Variants in SVEP1 observed in about 807,000 individuals in gnomAD.
SVEP1 encodes the protein sushi, von Willebrand factor type A, EGF and pentraxin domain containing 1.
A neutral mutation model predicts 367.3 loss-of-function variants in SVEP1; 164 were observed. That is an observed-to-expected ratio of 0.45 (90% CI 0.39 to 0.51). SVEP1 has a LOEUF of 0.51. Among genes scored for constraint, SVEP1 ranks in the 20% least tolerant of loss-of-function variants. The pLI is 0.00. For missense variants in SVEP1, 4,117 were observed against 4,425.3 expected, an observed-to-expected ratio of 0.93 and a Z score of 1.98; for synonymous variants, 1,666 against 1,611.6, an observed-to-expected ratio of 1.03 and a Z score of -0.81.
At chr9:110,385,810 A>G in intron 43 of SVEP1, 88 bp downstream of exon 43, 2 of 1,414,476 alleles carry the variant, frequency 1.4e-6, no homozygotes, top group South Asian at 2.9e-5. Context: ...AGTATCTACA[A>G]CTAAGTGACT....
intron 17 of SVEP1, among the ~76,000 whole-genome samples, 195 bp downstream of exon 17, chr9:110,468,745 C>T (rs1389611293): frequency 6.6e-6 from 1 of 152,220 alleles, no homozygotes; most frequent in East Asian, 1.9e-4. Context: ...TTCCCTGATT[C>T]ATTTCTGGAG....
At chr9:110,535,462 C>G (rs558073838) in intron 3 of SVEP1, among the ~76,000 whole-genome samples, 1 of 152,040 alleles carries the variant, frequency 6.6e-6, no homozygotes, top group African/African-American at 2.4e-5. Context: ...ATGCGTCCAC[C>G]TTTTTTCTTT....
At chr9:110,414,481 C>CTATTAT (rs1828088409) in intron 36 of SVEP1, among the ~76,000 whole-genome samples, 1 of 151,962 alleles carries the variant, frequency 6.6e-6, no homozygotes, top group Non-Finnish European at 1.5e-5. Context: ...TTTAGATAGG[C>CTATTAT]TCAGTTCTTT....
At chr9:110,404,969 T>G (rs1034430774) in intron 38 of SVEP1, among the ~76,000 whole-genome samples, 2 of 152,246 alleles carry the variant, frequency 1.3e-5, no homozygotes, top group African/African-American at 4.8e-5. Flanking sequence ...GAGGCTGCAG[T>G]GAGCCAAGAA....
rs1053825790 is a variant in SVEP1 at position 110,513,028 on chromosome 9, C to T, written c.1201G>A (p.Ala401Thr). 2 of 1,614,008 alleles carry T rather than the reference C, an allele frequency of 1.2e-6. No homozygotes were observed. Among genetic ancestry groups the T allele is most frequent in the Non-Finnish European group, 1.7e-6 (2 of 1,179,892 alleles). Residue 401 changes from alanine to threonine, a missense_variant, in exon 5 of 48, where the codon GCC becomes ACC. Physicochemically the swap from Ala to Thr is moderately conservative, Grantham distance 58. Around this residue, in one of 4 missense-constraint regions of SVEP1, gnomAD observed 2,174 missense variants for 2,494.3 expected, o/e 0.87. Transcript: ENST00000374469. The part of the protein sequence containing the change: ...QNTCNNHFNA[A>T]CGVRCHPGFD... ...CCAGGGTGACATCGGACCCCACAGG[C>T]TGCATTGAAGTGGTTGTTGCAAGTG...
At chr9:110,449,954 A>G in intron 24 of SVEP1, 105 bp downstream of exon 24, 1 of 1,315,004 alleles carries the variant, frequency 7.6e-7, no homozygotes, top group Non-Finnish European at 1.1e-6. Context: ...CCAGCATTTG[A>G]GAATGACTGA....
At position 110,491,805 on chromosome 9, in the gene SVEP1, T is replaced by TA. The variant is rs1236822592; in HGVS notation, c.1801-2027dup. ...ATAACTTACGAATCATCAGTGTTCCTAAAAAAACAGAATGAATGGAATAAG... is the reference window on the plus strand; with the variant it reads ...ATAACTTACGAATCATCAGTGTTCCTAAAAAAAACAGAATGAATGGAATAAG... On this transcript the variant is annotated intron_variant, in intron 8 of 47. Transcript: ENST00000374469. Among the ~76,000 whole-genome samples the TA allele has an allele frequency of 2.6e-5, 4 of 152,004 alleles. No individual in the cohort carries two copies. The East Asian group carries it at 5.8e-4, about 22-fold the overall frequency.
chr9:110,367,106 A>G (rs1827212732), intron 47 of SVEP1, among the ~76,000 whole-genome samples: 1 of 152,256 alleles, frequency 6.6e-6, no homozygotes, highest in Non-Finnish European at 1.5e-5. Context: ...AAATTGCTCC[A>G]TCTGTTAACA....
At chr9:110,546,051 T>C (rs1432412487) in intron 3 of SVEP1, 64 bp downstream of exon 3, 48 of 1,521,520 alleles carry the variant, frequency 3.2e-5, no homozygotes, top group Non-Finnish European at 4.0e-5. Flanking sequence ...CTTATAGCCA[T>C]TGCATTTTAG....
At chr9:110,383,761 T>A (rs1304250776) in intron 43 of SVEP1, among the ~76,000 whole-genome samples, 2 of 152,084 alleles carry the variant, frequency 1.3e-5, no homozygotes, top group Non-Finnish European at 2.9e-5. Context: ...AGGGGCTCCA[T>A]CTCAGGGAGA....
At position 110,429,327 on chromosome 9, in the gene SVEP1, TA is replaced by T; in HGVS notation, c.5622del (p.Asn1874LysfsTer30). On this transcript the variant is annotated frameshift_variant, in exon 35 of 48. Coordinates refer to ENST00000374469, the MANE Select transcript of SVEP1 (RefSeq NM_153366.4). LOFTEE classifies it high-confidence loss of function. ...TTATCACCGGCCAGAGTATATCCTT[TA>T]TTACACCTAAAGAAGATAGAGGAAA... ...TFGSKVTYRC[N>X]KGYTLAGDKE... 6.5e-7 allele frequency: 1 copy of T among 1,550,104 alleles called. No individual in the cohort carries two copies. The highest frequency in any genetic ancestry group is 8.7e-7 in the Non-Finnish European group (1 of 1,150,486).
At chr9:110,428,399 AACACACACAC>A (rs113743775) in intron 35 of SVEP1, among the ~76,000 whole-genome samples, 2 of 120,236 alleles carry the variant, frequency 1.7e-5, no homozygotes, top group South Asian at 5.3e-4. Context: ...CCTCTGTTTA[AACACACACAC>A]ACACACACAC....
intron 40 of SVEP1, 96 bp downstream of exon 40, chr9:110,400,758 C>T (rs1256885744): frequency 7.6e-7 from 1 of 1,320,826 alleles, no homozygotes; most frequent in Non-Finnish European, 1.0e-6. Flanking sequence ...TCTTTTGAGA[C>T]CAAAGTCAGT....
intron 9 of SVEP1, among the ~76,000 whole-genome samples, chr9:110,486,082 C>G (rs1483195720): frequency 6.6e-6 from 1 of 152,110 alleles, no homozygotes; most frequent in Non-Finnish European, 1.5e-5. Flanking sequence ...CTAGATAGCA[C>G]AGCATCTGGC....
chr9:110,407,075 C>T lies in SVEP1; in HGVS notation c.8525G>A (p.Gly2842Asp), dbSNP rs1827967131. Residue 2842 changes from glycine to aspartate, a missense_variant, in exon 38 of 48, where the codon GGC (glycine) becomes GAC (aspartate). Gly to Asp is a moderately conservative substitution (Grantham distance 94). Transcript: ENST00000374469. Reference sequence around the variant, plus strand: ...TGTGTACTCGTCTCCTCTCACCTGGCCATTGGCTGAGACTGGGGGTGAACT... The same window carrying T: ...TGTGTACTCGTCTCCTCTCACCTGGTCATTGGCTGAGACTGGGGGTGAACT... Reference protein sequence around the residue: ...DCSSPPVSANGQVRGDEYTFQ... With the variant: ...DCSSPPVSANDQVRGDEYTFQ... The T allele has an allele frequency of 3.1e-6, 5 of 1,613,866 alleles. No homozygotes were observed. In the Admixed American group the frequency reaches 8.3e-5, roughly 27 times the overall value.
At chr9:110,441,507 G>C (rs532284502) in intron 27 of SVEP1, among the ~76,000 whole-genome samples, 15 of 152,218 alleles carry the variant, frequency 9.9e-5, no homozygotes, top group African/African-American at 3.4e-4. Context: ...TCCATTTCTG[G>C]AACCTCAACA....
In SVEP1 at chr9:110,458,995, T is replaced by C; in HGVS notation, c.3441A>G (p.Gly1147=). 6.2e-7 allele frequency: 1 copy of C among 1,613,834 alleles called. No individual in the cohort carries two copies. Among genetic ancestry groups the C allele is most frequent in the Non-Finnish European group, 8.5e-7 (1 of 1,179,772 alleles). Residue 1147 remains glycine (G), a synonymous_variant, in exon 19 of 48, where the codon GGA becomes GGG. Coordinates refer to ENST00000374469, the MANE Select transcript of SVEP1 (RefSeq NM_153366.4). Reference sequence around the variant, plus strand: ...ATCTGGAACCAGCGAATGGGGTAGTTCCATAAAAGGGACAGGCCAGGCAGA... The same window carrying C: ...ATCTGGAACCAGCGAATGGGGTAGTCCCATAAAAGGGACAGGCCAGGCAGA... ...KAFCLACPFY[G]TTPFAGSRSI... is the part of the protein sequence containing the mutation.
chr9:110,494,568 A>G (rs1829417448), intron 8 of SVEP1, among the ~76,000 whole-genome samples: 1 of 152,226 alleles, frequency 6.6e-6, no homozygotes, highest in Admixed American at 6.5e-5. Context: ...TGCACTGTAC[A>G]TATAATTTAG....
At chr9:110,388,430 G>T (rs1827559457) in intron 41 of SVEP1, among the ~76,000 whole-genome samples, 1 of 152,036 alleles carries the variant, frequency 6.6e-6, no homozygotes, top group Non-Finnish European at 1.5e-5. Flanking sequence ...CTCAAGTTTG[G>T]CCGTACCTTA....
Sources: allele counts gnomAD v4.1 joint callset (sites outside exome capture counted in the v4.1 genomes callset), GRCh38; gene constraint gnomAD v4.1.1; regional missense constraint gnomAD v4.1.1; transcripts MANE v1.5; gene names NCBI Gene and HGNC (gene_info 2026-07-23, HGNC 2026-07-21).